Variants in ITSN1 observed in about 807,000 individuals in gnomAD.
ITSN1 encodes the protein intersectin-1.
ITSN1 carries 58 observed loss-of-function variants against 239.8 expected under a neutral mutation model. The observed-to-expected ratio is 0.24, with a 90% CI of 0.20 to 0.30. ITSN1 has a LOEUF of 0.30. Ranked by LOEUF, ITSN1 falls within the 10% of genes least tolerant of loss-of-function variation. The probability of loss-of-function intolerance (pLI) is 1.00; values close to 1 mark genes in which losing one functional copy is unlikely to be tolerated. For synonymous variants in ITSN1, 780 were observed against 770.8 expected, an observed-to-expected ratio of 1.01 and a Z score of -0.20; for missense variants, 1,558 against 2,103.3, an observed-to-expected ratio of 0.74 and a Z score of 5.07.
Position 33,886,455 on chromosome 21 carries a change from C to G in ITSN1, c.5012C>G (p.Pro1671Arg). The G allele has an allele frequency of 6.3e-7, 1 of 1,576,860 alleles. No individual in the cohort carries two copies. The highest frequency in any genetic ancestry group is 8.6e-7 in the Non-Finnish European group (1 of 1,161,162). ...ITVFERDQFS[P>R]DDFLGRTEIR... is the part of the protein sequence containing the mutation. ...GTGTTCGAGAGGGACCAGTTCTCAC[C>G]AGATGGTGAGTGGAACGCGGCCCTG... Residue 1671 changes from proline to arginine, a missense_variant, in exon 39 of 40, where the codon CCA becomes CGA. Pro to Arg is a moderately radical substitution (Grantham distance 103, BLOSUM62 -2). This residue lies in a region of ITSN1 where 576 missense variants were observed against 893.3 expected (regional missense o/e 0.64). Coordinates refer to ENST00000381318, the MANE Select transcript of ITSN1 (RefSeq NM_003024.3).
intron 1 of ITSN1, among the ~76,000 whole-genome samples, chr21:33,674,486 G>T (rs191197994): frequency 1.6e-4 from 24 of 152,174 alleles, no homozygotes; most frequent in Middle Eastern, 6.8e-3. Context: ...CAGACTTTGA[G>T]AACTATTGGG....
chr21:33,824,577 TTC>T (rs1254206635), intron 25 of ITSN1, among the ~76,000 whole-genome samples: 1 of 152,034 alleles, frequency 6.6e-6, no homozygotes, highest in African/African-American at 2.4e-5. Flanking sequence ...GTGGACAAAG[TTC>T]TCTCTCTCTT....
intron 5 of ITSN1, among the ~76,000 whole-genome samples, chr21:33,748,702 G>A (rs546958381): frequency 1.2e-4 from 18 of 149,318 alleles, no homozygotes; most frequent in South Asian, 4.3e-4. Flanking sequence ...AAAAATACAC[G>A]TATATATATA....
intron 14 of ITSN1, among the ~76,000 whole-genome samples, chr21:33,780,287 A>G (rs1342768019): frequency 6.6e-6 from 1 of 152,250 alleles, no homozygotes; most frequent in African/African-American, 2.4e-5. Context: ...TATTGATAAT[A>G]TGATAAAAAT....
At chr21:33,773,517 A>G (rs952724448) in intron 12 of ITSN1, among the ~76,000 whole-genome samples, 1 of 152,140 alleles carries the variant, frequency 6.6e-6, no homozygotes, top group Admixed American at 6.5e-5. Flanking sequence ...CGATGTAAAA[A>G]AATAGCCTGA....
intron 5 of ITSN1, among the ~76,000 whole-genome samples, chr21:33,744,048 A>T (rs970629372): frequency 6.6e-6 from 1 of 152,268 alleles, no homozygotes; most frequent in Non-Finnish European, 1.5e-5. Context: ...GATGGTGAGC[A>T]CTAAATATAT....
chr21:33,717,801 TTGTGATCCGCCCGCC>T (rs2065250851), intron 1 of ITSN1, among the ~76,000 whole-genome samples: 1 of 151,964 alleles, frequency 6.6e-6, no homozygotes. Context: ...TCTCCTGACC[TTGTGATCCGCCCGCC>T]TTGGCCTCCC....
chr21:33,865,454 A>AGT lies in ITSN1; in HGVS notation c.4074+121_4074+122insTG. 3.7e-6 allele frequency: 3 copies of AGT among 819,688 alleles called. No homozygotes were observed. Among genetic ancestry groups the AGT allele is most frequent in the Non-Finnish European group, 5.5e-6 (3 of 542,826 alleles). 50.8% of individuals were successfully genotyped at this position (819,688 alleles called of 1,614,324 possible). Reference sequence around the variant, plus strand: ...TTCCCACTAGAGGCCAACAGGGCCTAGGGTCTTGGCTAAGCCTTAGGGGAC... The same window carrying AGT: ...TTCCCACTAGAGGCCAACAGGGCCTAGTGGGTCTTGGCTAAGCCTTAGGGGAC... On this transcript the variant is annotated intron_variant, in intron 32 of 39. Transcript: ENST00000381318. The surrounding 1 kb of genome is among the most constrained non-coding windows in gnomAD (Gnocchi z 4.4).
chr21:33,710,269 G>A (rs2092376977), intron 1 of ITSN1, among the ~76,000 whole-genome samples: 1 of 151,700 alleles, frequency 6.6e-6, no homozygotes. Context: ...TAGGAGAGAC[G>A]GGGTTTCACC....
At chr21:33,753,719 G>A (rs530866445) in intron 7 of ITSN1, among the ~76,000 whole-genome samples, 17 of 141,716 alleles carry the variant, frequency 1.2e-4, no homozygotes, top group Admixed American at 9.4e-4. Context: ...CTGAGATCGC[G>A]GCATTGCATT....
Position 33,893,991 on chromosome 21 carries a change from T to C in ITSN1, c.*5691T>C, listed in dbSNP as rs1242963743. On this transcript the variant is annotated 3_prime_UTR_variant, in exon 40 of 40. Coordinates refer to ENST00000381318, the MANE Select transcript of ITSN1 (RefSeq NM_003024.3). Reference sequence around the variant, plus strand: ...GACAGTCCATCTCTGGGTTGTGATCTCTCAGAAACATCTTAGTAGTTAATG... The same window carrying C: ...GACAGTCCATCTCTGGGTTGTGATCCCTCAGAAACATCTTAGTAGTTAATG... 6.6e-6 allele frequency: 1 copy of C among 152,118 alleles called. No individual in the cohort carries two copies. Among genetic ancestry groups the C allele is most frequent in the African/African-American group, 2.4e-5 (1 of 41,402 alleles). The allele number at this position is 152,118 out of a possible 1,614,324, so 9.4% of individuals were successfully genotyped here.
At chr21:33,778,124 C>G (rs2069800815) in intron 14 of ITSN1, among the ~76,000 whole-genome samples, 2 of 152,114 alleles carry the variant, frequency 1.3e-5, no homozygotes, top group East Asian at 3.8e-4. Context: ...TGGGATAAAC[C>G]ACTCTTGGTC....
At chr21:33,862,164 C>CAAAAAAAAAAAAAAAAAAA (rs59129090) in intron 31 of ITSN1, among the ~76,000 whole-genome samples, 2 of 79,818 alleles carry the variant, frequency 2.5e-5, no homozygotes, top group African/African-American at 5.4e-5. Flanking sequence ...GACTGTGTCA[C>CAAAAAAAAAAAAAAAAAAA]AAAAAAAAAA....
intron 14 of ITSN1, among the ~76,000 whole-genome samples, chr21:33,778,390 C>T (rs1200712022): frequency 6.6e-6 from 1 of 152,024 alleles, no homozygotes; most frequent in Non-Finnish European, 1.5e-5. Flanking sequence ...GTGGCATTCA[C>T]CAGTGAAGGC....
chr21:33,696,516 G>A (rs2091800819), intron 1 of ITSN1, among the ~76,000 whole-genome samples: 1 of 152,200 alleles, frequency 6.6e-6, no homozygotes, highest in African/African-American at 2.4e-5. Flanking sequence ...AGGCTTACAT[G>A]TAGCCAATTT....
chr21:33,662,372 G>A (rs1016984462), intron 1 of ITSN1, among the ~76,000 whole-genome samples: 1 of 152,044 alleles, frequency 6.6e-6, no homozygotes, highest in African/African-American at 2.4e-5. Flanking sequence ...CATCATAACA[G>A]GAAAGCATTT....
rs764316183 is a variant in ITSN1 at position 33,761,981 on chromosome 21, A to T, written c.783A>T (p.Ser261=). 1.2e-6 allele frequency: 2 copies of T among 1,611,854 alleles called. No homozygotes were observed. The highest frequency in any genetic ancestry group is 1.7e-6 in the Non-Finnish European group (2 of 1,177,920). The change falls in exon 9 of 40, where the codon TCA becomes TCT. Residue 261 remains serine, a synonymous_variant. Transcript: ENST00000381318. ...GTTTACCACAGGCTCAGCTGGCTTCAATATGGTAAGGAATGAAAAGTTCTT... is the reference window on the plus strand; with the variant it reads ...GTTTACCACAGGCTCAGCTGGCTTCTATATGGTAAGGAATGAAAAGTTCTT... ...QSSLPQAQLA[S]IWNLSDIDQD...
intron 14 of ITSN1, among the ~76,000 whole-genome samples, chr21:33,780,093 G>T (rs1448560660): frequency 6.6e-6 from 1 of 152,034 alleles, no homozygotes; most frequent in Non-Finnish European, 1.5e-5. Flanking sequence ...TGGCCTAAGT[G>T]TATTTTTCTA....
chr21:33,849,950 T>C (rs969057776), intron 29 of ITSN1, among the ~76,000 whole-genome samples: 8 of 152,084 alleles, frequency 5.3e-5, no homozygotes, highest in African/African-American at 1.9e-4. Context: ...GAGGGCACAG[T>C]GAGAGCAGGA....
Sources: allele counts gnomAD v4.1 joint callset (sites outside exome capture counted in the v4.1 genomes callset), GRCh38; gene constraint gnomAD v4.1.1; regional missense constraint gnomAD v4.1.1; non-coding constraint Gnocchi (gnomAD v3.1); transcripts MANE v1.5; gene names NCBI Gene and HGNC (gene_info 2026-07-23, HGNC 2026-07-21).